SH3GL2: variants seen among roughly 807,000 people sequenced by gnomAD.
The protein encoded by SH3GL2 is endophilin-A1.
In SH3GL2, 24 loss-of-function variants were observed where a neutral mutation model predicts 46.0. The ratio of observed to expected loss-of-function variants is 0.52; its 90% CI spans 0.38 to 0.73. SH3GL2 has a LOEUF of 0.73. Among genes scored for constraint, SH3GL2 ranks in the 30% least tolerant of loss-of-function variants. The probability of loss-of-function intolerance (pLI) is 0.00; values close to 1 mark genes in which losing one functional copy is unlikely to be tolerated. For missense variants in SH3GL2, 413 were observed against 424.2 expected (o/e 0.97, Z 0.23); for synonymous variants, 196 against 147.1 (o/e 1.33, Z -2.40).
At chr9:17,615,591 G>C (rs1266351114) in intron 1 of SH3GL2, among the ~76,000 whole-genome samples, 57 of 146,794 alleles carry the variant, frequency 3.9e-4, no homozygotes, top group Non-Finnish European at 7.4e-5. Flanking sequence ...GGAGGCAGAG[G>C]TTGCAGTGAG....
At chr9:17,655,567 T>G (rs1820054205) in intron 1 of SH3GL2, among the ~76,000 whole-genome samples, 1 of 152,212 alleles carries the variant, frequency 6.6e-6, no homozygotes, top group South Asian at 2.1e-4. Context: ...TTTTGTTACA[T>G]TGCATCTTAT....
intron 1 of SH3GL2, among the ~76,000 whole-genome samples, chr9:17,653,020 C>T (rs952307962): frequency 6.6e-6 from 1 of 152,086 alleles, no homozygotes; most frequent in South Asian, 2.1e-4. Flanking sequence ...GGGGTTTCTT[C>T]CATTTTATCC....
chr9:17,699,466 CT>C (rs1821291716), intron 1 of SH3GL2, among the ~76,000 whole-genome samples: 1 of 152,296 alleles, frequency 6.6e-6, no homozygotes, highest in East Asian at 1.9e-4. Context: ...TGTCAGCCCC[CT>C]AACCCCAATC....
intron 1 of SH3GL2, among the ~76,000 whole-genome samples, chr9:17,588,381 T>A (rs1466350895): frequency 6.6e-6 from 1 of 152,166 alleles, no homozygotes; most frequent in East Asian, 1.9e-4. Flanking sequence ...TTTAACTTTG[T>A]AAGACAAAAG....
At chr9:17,714,362 G>GA (rs1821701194) in intron 1 of SH3GL2, among the ~76,000 whole-genome samples, 1 of 151,616 alleles carries the variant, frequency 6.6e-6, no homozygotes, top group Non-Finnish European at 1.5e-5. Context: ...ATTTTAATAT[G>GA]ATTATTCATA....
chr9:17,753,955 T>G (rs184343066), intron 2 of SH3GL2, among the ~76,000 whole-genome samples: 26 of 152,328 alleles, frequency 1.7e-4, no homozygotes, highest in African/African-American at 5.1e-4. Flanking sequence ...CATTGTTTGA[T>G]TTTTGTCAGA....
intron 1 of SH3GL2, among the ~76,000 whole-genome samples, chr9:17,633,828 G>C (rs1819485001): frequency 6.6e-6 from 1 of 152,170 alleles, no homozygotes. Context: ...TGGGGAGTAG[G>C]TGTATGTTCA....
intron 1 of SH3GL2, among the ~76,000 whole-genome samples, chr9:17,640,217 T>C (rs2134641834): frequency 6.6e-6 from 1 of 152,272 alleles, no homozygotes; most frequent in South Asian, 2.1e-4. Context: ...CAGTTTATCT[T>C]ATTTGCTTCT....
chr9:17,638,289 G>C (rs528063431), intron 1 of SH3GL2, among the ~76,000 whole-genome samples: 50 of 152,044 alleles, frequency 3.3e-4, no homozygotes, highest in Admixed American at 1.2e-3. Context: ...TATTTCGTTA[G>C]ACATTCATTT....
At chr9:17,661,448 G>T (rs770886993) in intron 1 of SH3GL2, among the ~76,000 whole-genome samples, 1 of 152,086 alleles carries the variant, frequency 6.6e-6, no homozygotes, top group South Asian at 2.1e-4. Flanking sequence ...AAAACCAACC[G>T]AAAAAGTAAA....
chr9:17,620,025 T>A (rs1167987805), intron 1 of SH3GL2, among the ~76,000 whole-genome samples: 1 of 145,230 alleles, frequency 6.9e-6, no homozygotes, highest in African/African-American at 2.9e-5. Context: ...TTTAGTATGA[T>A]TTTTTTTAAA....
At chr9:17,589,882 A>T (rs997260676) in intron 1 of SH3GL2, 4 of 152,198 alleles carry the variant, frequency 2.6e-5, no homozygotes, top group Non-Finnish European at 5.9e-5. Context: ...ATGCTCTTTG[A>T]CGTGATTCAT....
intron 1 of SH3GL2, among the ~76,000 whole-genome samples, chr9:17,632,815 C>T (rs1588190208): frequency 6.6e-6 from 1 of 152,264 alleles, no homozygotes; most frequent in East Asian, 1.9e-4. Context: ...CTATTTGGGG[C>T]TTCCCTGAAA....
At chr9:17,743,695 C>G (rs184330720) in intron 1 of SH3GL2, among the ~76,000 whole-genome samples, 66 of 152,186 alleles carry the variant, frequency 4.3e-4, no homozygotes, top group African/African-American at 1.5e-3. Flanking sequence ...ATCCAAGTAT[C>G]TCATTTGATA....
At chr9:17,706,963 A>C (rs976979730) in intron 1 of SH3GL2, among the ~76,000 whole-genome samples, 1 of 152,034 alleles carries the variant, frequency 6.6e-6, no homozygotes. Flanking sequence ...ATTTCAGAGT[A>C]AAAGGGATTT....
chr9:17,751,075 G>A (rs1023125915), intron 2 of SH3GL2, among the ~76,000 whole-genome samples: 3 of 152,138 alleles, frequency 2.0e-5, no homozygotes, highest in Admixed American at 6.5e-5. Flanking sequence ...TATCTGTTTT[G>A]CAGCCTGAAA....
intron 1 of SH3GL2, among the ~76,000 whole-genome samples, chr9:17,607,735 A>G (rs1048568067): frequency 1.8e-4 from 27 of 152,288 alleles, no homozygotes; most frequent in African/African-American, 6.3e-4. Context: ...CAAATTTTGA[A>G]TGGCTAAAAA....
chr9:17,656,874 A>C (rs372730528), intron 1 of SH3GL2, among the ~76,000 whole-genome samples: 15 of 152,182 alleles, frequency 9.9e-5, no homozygotes, highest in African/African-American at 3.6e-4. Flanking sequence ...ATTTAGGAAA[A>C]TGGGATTAAA....
chr9:17,679,531 G>A (rs1186742142), intron 1 of SH3GL2, among the ~76,000 whole-genome samples: 1 of 152,176 alleles, frequency 6.6e-6, no homozygotes, highest in Non-Finnish European at 1.5e-5. Context: ...ATTTTGGGCT[G>A]AGGCGATGGG....
Sources: allele counts gnomAD v4.1 joint callset (sites outside exome capture counted in the v4.1 genomes callset), GRCh38; gene constraint gnomAD v4.1.1; transcripts MANE v1.5; gene names NCBI Gene and HGNC (gene_info 2026-07-23, HGNC 2026-07-21).